The following CNTNAP2 variants were observed in gnomAD, a reference collection of about 807,000 sequenced individuals.
The protein encoded by CNTNAP2 is contactin associated protein 2, also known as contactin-associated protein-like 2.
Under a neutral mutation model 155.2 loss-of-function variants are expected in CNTNAP2, and 98 were observed. The ratio of observed to expected loss-of-function variants is 0.63; its 90% CI spans 0.54 to 0.75. The LOEUF (loss-of-function observed/expected upper bound fraction) is 0.75. Ranked by LOEUF, CNTNAP2 falls within the 30% of genes least tolerant of loss-of-function variation. The pLI, the probability that CNTNAP2 is intolerant of heterozygous loss-of-function variation, is 0.00. For synonymous variants in CNTNAP2, 651 were observed against 631.2 expected, an observed-to-expected ratio of 1.03 and a Z score of -0.47; for missense variants, 1,727 against 1,688.1, an observed-to-expected ratio of 1.02 and a Z score of -0.40.
chr7:146,652,921 A>G (rs758080699), intron 1 of CNTNAP2, among the ~76,000 whole-genome samples: 1 of 152,158 alleles, frequency 6.6e-6, no homozygotes, highest in Non-Finnish European at 1.5e-5. Context: ...GCTTCCATCC[A>G]GAGACTGTGG....
chr7:146,170,449 C>T (rs1359168100), intron 1 of CNTNAP2, among the ~76,000 whole-genome samples: 2 of 152,090 alleles, frequency 1.3e-5, no homozygotes, highest in East Asian at 3.9e-4. Context: ...TTTGTTATTA[C>T]TCATCTTTTT....
chr7:147,869,093 G>A (rs117350297), intron 13 of CNTNAP2, among the ~76,000 whole-genome samples: 485 of 152,250 alleles, frequency 3.2e-3, no homozygotes, highest in Non-Finnish European at 5.3e-3. Context: ...GTTCCTCTTC[G>A]GCCGTCTTGG....
intron 3 of CNTNAP2, among the ~76,000 whole-genome samples, chr7:146,906,944 G>A: frequency 6.8e-6 from 1 of 147,588 alleles, no homozygotes; most frequent in Non-Finnish European, 1.5e-5. Flanking sequence ...AACCAATACA[G>A]AGAAGTGCTT....
At chr7:147,192,939 T>C (rs971818930) in intron 8 of CNTNAP2, among the ~76,000 whole-genome samples, 21 of 152,272 alleles carry the variant, frequency 1.4e-4, no homozygotes, top group Non-Finnish European at 1.5e-5. Context: ...GTCCAGAAAA[T>C]TATTTAGTGA....
chr7:148,178,668 ATTGT>A lies in CNTNAP2; in HGVS notation c.3010+6195_3010+6198del, dbSNP rs552423398. On this transcript the variant is annotated intron_variant, in intron 18 of 23. Coordinates refer to ENST00000361727, the MANE Select transcript of CNTNAP2 (RefSeq NM_014141.6). ...ATACCTGTTACGTAACCTTAGGAAA[ATTGT>A]TTGTCACTGAGCCTTATCTTCAGGA... is the stretch of plus-strand genomic sequence containing the variant. Among the ~76,000 whole-genome samples the A allele has an allele frequency of 1.4e-4, 21 of 152,318 alleles. No individual in the cohort carries two copies. In the South Asian group the frequency reaches 4.4e-3, roughly 32 times the overall value.
intron 1 of CNTNAP2, among the ~76,000 whole-genome samples, chr7:146,456,349 T>G (rs1311783133): frequency 6.6e-6 from 1 of 152,186 alleles, no homozygotes; most frequent in Non-Finnish European, 1.5e-5. Context: ...AGTCTGCTGG[T>G]CAAATGAAAG....
intron 15 of CNTNAP2, among the ~76,000 whole-genome samples, chr7:148,055,219 C>T (rs1203207245): frequency 1.3e-5 from 2 of 152,070 alleles, no homozygotes; most frequent in South Asian, 4.2e-4. Flanking sequence ...TTTAAAACAA[C>T]CAGACTTTGT....
chr7:146,786,225 G>C (rs985416207), intron 2 of CNTNAP2, among the ~76,000 whole-genome samples: 4 of 151,750 alleles, frequency 2.6e-5, no homozygotes, highest in African/African-American at 9.7e-5. Context: ...CCATGCTTTT[G>C]TGACTATTTA....
intron 1 of CNTNAP2, among the ~76,000 whole-genome samples, chr7:146,265,604 A>T (rs1799983127): frequency 6.6e-6 from 1 of 151,856 alleles, no homozygotes; most frequent in Admixed American, 6.6e-5. Context: ...GATTACAGGC[A>T]TGCACCACAG....
intron 13 of CNTNAP2, among the ~76,000 whole-genome samples, chr7:147,848,725 AAT>A (rs1476688085): frequency 2.0e-5 from 3 of 151,810 alleles, no homozygotes; most frequent in East Asian, 1.9e-4. Context: ...AAAAAAAAAA[AAT>A]AACTAAATAT....
At chr7:147,005,217 C>A (rs929150679) in intron 3 of CNTNAP2, among the ~76,000 whole-genome samples, 10 of 151,872 alleles carry the variant, frequency 6.6e-5, no homozygotes, top group African/African-American at 2.4e-4. Context: ...TTTCTATCCA[C>A]GGGAATAGGA....
intron 1 of CNTNAP2, among the ~76,000 whole-genome samples, chr7:146,456,687 G>C (rs1303059594): frequency 6.6e-6 from 1 of 152,124 alleles, no homozygotes; most frequent in African/African-American, 2.4e-5. Context: ...TTTTCCAGCT[G>C]TGATGCTGTG....
intron 15 of CNTNAP2, among the ~76,000 whole-genome samples, chr7:148,008,550 C>T (rs1393436334): frequency 6.6e-6 from 1 of 152,200 alleles, no homozygotes; most frequent in African/African-American, 2.4e-5. Context: ...TTTAGATCGG[C>T]TTCCAAGATC....
intron 19 of CNTNAP2, among the ~76,000 whole-genome samples, chr7:148,217,853 T>C (rs1376514304): frequency 1.3e-5 from 2 of 152,218 alleles, no homozygotes; most frequent in Non-Finnish European, 2.9e-5. Context: ...GGCTGGACAC[T>C]GTGGCTCACG....
chr7:146,981,780 A>G (rs1798022630), intron 3 of CNTNAP2, among the ~76,000 whole-genome samples: 1 of 152,178 alleles, frequency 6.6e-6, no homozygotes, highest in Non-Finnish European at 1.5e-5. Flanking sequence ...TTAAAACAAA[A>G]CGATTAGACT....
intron 18 of CNTNAP2, among the ~76,000 whole-genome samples, chr7:148,176,211 CTTTTTTTTTT>C (rs1188113801): frequency 1.6e-4 from 15 of 92,798 alleles, no homozygotes; most frequent in Middle Eastern, 0.016. Flanking sequence ...CTTTCTTTCT[CTTTTTTTTTT>C]TTTTTTTTTT....
intron 1 of CNTNAP2, among the ~76,000 whole-genome samples, chr7:146,772,875 G>A (rs2129185630): frequency 2.0e-5 from 3 of 152,250 alleles, no homozygotes; most frequent in Middle Eastern, 6.8e-3. Context: ...GCAGCCACAA[G>A]TTCACTTACA....
chr7:147,341,316 G>A lies in CNTNAP2; in HGVS notation c.1498+41026G>A, dbSNP rs574106450. Among the ~76,000 whole-genome samples, 14 of 152,002 alleles carry A rather than the reference G, an allele frequency of 9.2e-5. No individual in the cohort carries two copies. In the East Asian group the frequency reaches 1.5e-3, roughly 17 times the overall value. On this transcript the variant is annotated intron_variant, in intron 9 of 23. Coordinates refer to ENST00000361727, the MANE Select transcript of CNTNAP2 (RefSeq NM_014141.6). The stretch of plus-strand genomic sequence containing the variant: ...GGTGGAGGGCTGGGGGAGGAATAGC[G>A]TTAGGAGAAATACCTAATGTAGATG...
chr7:147,266,001 G>T (rs542922213), intron 8 of CNTNAP2, among the ~76,000 whole-genome samples: 1 of 152,090 alleles, frequency 6.6e-6, no homozygotes. Flanking sequence ...CAACCTCAAA[G>T]ATCTGAACCA....
Sources: gnomAD v4.1 joint callset for allele counts (sites outside exome capture counted in the v4.1 genomes callset) on GRCh38, gnomAD v4.1.1 for gene constraint, MANE v1.5 for transcripts, NCBI Gene and HGNC (gene_info 2026-07-23, HGNC 2026-07-21) for gene names.